PEAK1: variants seen among roughly 807,000 people sequenced by gnomAD.
PEAK1 encodes pseudopodium enriched atypical kinase 1, also known as inactive tyrosine-protein kinase PEAK1.
PEAK1 carries 54 observed loss-of-function variants against 124.7 expected under a neutral mutation model. The ratio of observed to expected loss-of-function variants is 0.43; its 90% confidence interval spans 0.35 to 0.54. PEAK1 has a LOEUF of 0.54. Ranked by LOEUF, PEAK1 falls within the 20% of genes least tolerant of loss-of-function variation. The pLI, the probability that PEAK1 is intolerant of heterozygous loss-of-function variation, is 0.01. For missense variants in PEAK1, 2,046 were observed against 2,134.5 expected, an observed-to-expected ratio of 0.96 and a Z score of 0.82; for synonymous variants, 719 against 760.0, an observed-to-expected ratio of 0.95 and a Z score of 0.89.
chr15:77,234,358 C>T lies in PEAK1; in HGVS notation c.-115+18009G>A, dbSNP rs370837784. 1.5e-4 allele frequency among the ~76,000 whole-genome samples: 23 copies of T among 152,184 alleles called. No individual in the cohort carries two copies. In the East Asian group the frequency reaches 3.7e-3, roughly 24 times the overall value. On this transcript the variant is annotated intron_variant, in intron 6 of 9. Coordinates refer to ENST00000682557, the MANE Select transcript of PEAK1 (RefSeq NM_001385026.1). ...AACACTGCTGTTGGATTTCTGCATT[C>T]ATCCTTATTAATTTGGTCCTTTATT...
At chr15:77,197,014 C>A (rs962471413) in intron 6 of PEAK1, among the ~76,000 whole-genome samples, 1 of 139,624 alleles carries the variant, frequency 7.2e-6, no homozygotes, top group African/African-American at 2.6e-5. Context: ...CTATGCCTGG[C>A]TAATTTTTTT....
In PEAK1 at chr15:77,365,234, T is replaced by TA. The variant is rs2068142072; in HGVS notation, c.-665-10dup. On this transcript the variant is annotated splice_polypyrimidine_tract_variant and intron_variant, in intron 1 of 9. Coordinates refer to ENST00000682557, the MANE Select transcript of PEAK1 (RefSeq NM_001385026.1). ...CCAGTTTGGGCAGATACCTGAATTG[T>TA]AAAAAACAAACAGAAAAAGACATGG... 9 of 978,994 alleles carry TA rather than the reference T, an allele frequency of 9.2e-6. No homozygotes were observed. The highest frequency in any genetic ancestry group is 4.7e-5 in the South Asian group (1 of 21,174). The allele number at this position is 978,994 out of a possible 1,614,324, so 60.6% of individuals were successfully genotyped here. A position where few individuals can be genotyped will look rare whatever the true frequency, so the allele number is the denominator to read the frequency against.
chr15:77,132,817 A>G (rs1462369171), intron 9 of PEAK1, among the ~76,000 whole-genome samples, 188 bp downstream of exon 9: 1 of 151,584 alleles, frequency 6.6e-6, no homozygotes. Flanking sequence ...AATTCTGTTA[A>G]GTTACGTATC....
At chr15:77,335,175 G>A in intron 2 of PEAK1, 2 of 985,456 alleles carry the variant, frequency 2.0e-6, no homozygotes, top group Non-Finnish European at 2.4e-6. Context: ...CATGCATTAA[G>A]TTTACTGTCC....
chr15:77,201,544 T>C (rs1357850880), intron 6 of PEAK1, among the ~76,000 whole-genome samples: 1 of 152,072 alleles, frequency 6.6e-6, no homozygotes, highest in Non-Finnish European at 1.5e-5. Flanking sequence ...GGCCCAAGCC[T>C]TTGTGTCTTA....
chr15:77,294,875 C>T (rs967492086), intron 2 of PEAK1, among the ~76,000 whole-genome samples: 34 of 151,960 alleles, frequency 2.2e-4, no homozygotes, highest in Non-Finnish European at 8.8e-5. Context: ...TGCTTTATAA[C>T]ATAAATCTGG....
intron 2 of PEAK1, among the ~76,000 whole-genome samples, chr15:77,340,933 G>C (rs572059872): frequency 1.3e-3 from 191 of 151,344 alleles, no homozygotes; most frequent in African/African-American, 4.5e-3. Flanking sequence ...ACTCAGGAAA[G>C]TACTATACTT....
At chr15:77,377,453 ACT>A (rs1429925223) in intron 1 of PEAK1, among the ~76,000 whole-genome samples, 4 of 149,516 alleles carry the variant, frequency 2.7e-5, no homozygotes, top group African/African-American at 2.5e-5. Context: ...TGTTATATAT[ACT>A]CTTTTTTTTT....
intron 2 of PEAK1, among the ~76,000 whole-genome samples, chr15:77,318,812 A>G (rs1220191665): frequency 1.3e-5 from 2 of 152,086 alleles, no homozygotes; most frequent in Non-Finnish European, 2.9e-5. Context: ...GTCAGATGCT[A>G]ATAGATGACA....
At chr15:77,151,651 A>G (rs1394497660) in intron 8 of PEAK1, among the ~76,000 whole-genome samples, 2 of 152,102 alleles carry the variant, frequency 1.3e-5, no homozygotes, top group Non-Finnish European at 2.9e-5. Context: ...TAGGTCTAAC[A>G]TGTAAGTCTT....
At chr15:77,144,853 T>G (rs1335992563) in intron 8 of PEAK1, among the ~76,000 whole-genome samples, 1 of 152,226 alleles carries the variant, frequency 6.6e-6, no homozygotes, top group Non-Finnish European at 1.5e-5. Flanking sequence ...GGTCAATGTT[T>G]TAAAAGCTTG....
chr15:77,150,674 C>T (rs1186610717), intron 8 of PEAK1, among the ~76,000 whole-genome samples: 1 of 133,074 alleles, frequency 7.5e-6, no homozygotes, highest in African/African-American at 2.8e-5. Context: ...CCCCCCACCC[C>T]ACAACATTCC....
At chr15:77,237,277 A>C (rs2060164480) in intron 6 of PEAK1, among the ~76,000 whole-genome samples, 1 of 152,150 alleles carries the variant, frequency 6.6e-6, no homozygotes, top group South Asian at 2.1e-4. Flanking sequence ...AATTTCTCTA[A>C]TATTCTAAGA....
At chr15:77,107,983 T>C (rs1009083528), downstream of PEAK1, 1 of 152,216 alleles carries the variant, frequency 6.6e-6, no homozygotes, top group East Asian at 1.9e-4. Flanking sequence ...ATATAATCCA[T>C]GTCAGCAGGG....
At chr15:77,420,580 T>C (rs1304313824), upstream of PEAK1, 1 of 312,504 alleles carries the variant, frequency 3.2e-6, no homozygotes, top group Non-Finnish European at 5.8e-6. Flanking sequence ...TAATATGTAG[T>C]CATGACCAAT....
At chr15:77,141,101 C>G (rs1156948796) in intron 8 of PEAK1, among the ~76,000 whole-genome samples, 1 of 152,138 alleles carries the variant, frequency 6.6e-6, no homozygotes, top group African/African-American at 2.4e-5. Flanking sequence ...GTAAAACTAT[C>G]TCATCATTCA....
At chr15:77,103,059 TAAA>T (rs1172477081) in exon 7 of PEAK1, 1 of 152,220 alleles carries the variant, frequency 6.6e-6, no homozygotes, top group African/African-American at 2.4e-5. Context: ...ATAATAATAA[TAAA>T]ATTTGTATAT....
intron 8 of PEAK1, chr15:77,157,837 C>A (rs1295332409): frequency 1.3e-5 from 2 of 152,188 alleles, no homozygotes; most frequent in African/African-American, 2.4e-5. Context: ...TACCAAATTT[C>A]CTGCTACCAA....
In PEAK1 at chr15:77,368,423, C is replaced by T. The variant is rs185316618; in HGVS notation, c.-665-3198G>A. ...ATCCTAGCTACTAGGGAGGCTGAGGCGGGGGAATTGCTTGAACCCAGGAGG... is the reference window on the plus strand; with the variant it reads ...ATCCTAGCTACTAGGGAGGCTGAGGTGGGGGAATTGCTTGAACCCAGGAGG... On this transcript the variant is annotated intron_variant, in intron 1 of 9. Transcript: ENST00000682557. Among the ~76,000 whole-genome samples the T allele has an allele frequency of 5.3e-3, 810 of 151,596 alleles. 7 individuals carry two copies. Among genetic ancestry groups the T allele is most frequent in the Non-Finnish European group, 6.4e-3 (437 of 67,880 alleles).
Sources: allele counts gnomAD v4.1 joint callset (sites outside exome capture counted in the v4.1 genomes callset), GRCh38; gene constraint gnomAD v4.1.1; transcripts MANE v1.5; gene names NCBI Gene and HGNC (gene_info 2026-07-23, HGNC 2026-07-21).